Variants in CHIC1 observed in about 807,000 individuals in gnomAD.
CHIC1 encodes cysteine-rich hydrophobic domain-containing protein 1.
A neutral mutation model predicts 18.5 loss-of-function variants in CHIC1; 7 were observed. The ratio of observed to expected loss-of-function variants is 0.38; its 90% CI spans 0.22 to 0.71. The LOEUF is 0.71. Among genes scored for constraint, CHIC1 ranks in the 30% least tolerant of loss-of-function variants. The pLI, the probability that CHIC1 is intolerant of heterozygous loss-of-function variation, is 0.49. For missense variants in CHIC1, 159 were observed against 176.9 expected, an observed-to-expected ratio of 0.90 and a Z score of 0.57; for synonymous variants, 77 against 73.5, an observed-to-expected ratio of 1.05 and a Z score of -0.25.
At chrX:73,672,296 G>A (rs1166332913) in intron 3 of CHIC1, among the ~76,000 whole-genome samples, 20 of 111,612 alleles carry the variant, frequency 1.8e-4, no homozygotes, top group Non-Finnish European at 3.6e-4. Context: ...TAATGGGAAG[G>A]CTGGGTCAAA....
chrX:73,655,149 C>T lies in CHIC1; in HGVS notation c.508-24177C>T, dbSNP rs537358074. Among the ~76,000 whole-genome samples, 14 of 109,479 alleles carry T rather than the reference C, an allele frequency of 1.3e-4. No homozygotes were observed. The South Asian group carries it at 3.1e-3, about 25-fold the overall frequency. ...CAGCTCCAATTTATGAGTGAGAATG[C>T]GGGTATTTGGTTTTCTCTTCCTGCG... On this transcript the variant is annotated intron_variant, in intron 3 of 5. Coordinates refer to ENST00000373502, the MANE Select transcript of CHIC1 (RefSeq NM_001039840.4).
intron 3 of CHIC1, among the ~76,000 whole-genome samples, chrX:73,594,703 T>C (rs2057598643): frequency 9.0e-6 from 1 of 111,139 alleles, no homozygotes. Flanking sequence ...CTATTTCCAA[T>C]TTTTTTTCAT....
intron 3 of CHIC1, among the ~76,000 whole-genome samples, chrX:73,603,925 G>A (rs992789089): frequency 2.8e-5 from 3 of 108,469 alleles, no homozygotes; most frequent in Non-Finnish European, 5.7e-5. Flanking sequence ...GAGGATTTTC[G>A]CATCAATGTT....
chrX:73,676,777 A>G (rs1049811207), intron 3 of CHIC1, among the ~76,000 whole-genome samples: 2 of 111,697 alleles, frequency 1.8e-5, no homozygotes, highest in African/African-American at 6.5e-5. Context: ...GCTGGTGAGG[A>G]GCTGCGTTCC....
At chrX:73,640,366 C>A (rs1054573016) in intron 3 of CHIC1, among the ~76,000 whole-genome samples, 2 of 111,784 alleles carry the variant, frequency 1.8e-5, no homozygotes, top group Non-Finnish European at 3.8e-5. Context: ...AAGCTTGCAT[C>A]CCAGGGATAA....
intron 3 of CHIC1, among the ~76,000 whole-genome samples, chrX:73,626,166 C>T (rs1017888891): frequency 4.5e-5 from 5 of 111,652 alleles, no homozygotes; most frequent in African/African-American, 9.8e-5. Flanking sequence ...TACTCCATAG[C>T]GGAACAGCCA....
chrX:73,625,689 A>T (rs1187788729), intron 3 of CHIC1, among the ~76,000 whole-genome samples: 1 of 111,079 alleles, frequency 9.0e-6, no homozygotes, highest in Non-Finnish European at 1.9e-5. Context: ...TGTCAAATCA[A>T]TTTTTTAGCC....
At chrX:73,573,100 C>T (rs755536051) in intron 1 of CHIC1, among the ~76,000 whole-genome samples, 10 of 111,087 alleles carry the variant, frequency 9.0e-5, no homozygotes, top group Non-Finnish European at 1.3e-4. Context: ...GTACTTAATC[C>T]GTCTTGAGTT....
intron 3 of CHIC1, among the ~76,000 whole-genome samples, chrX:73,668,448 T>A (rs1316096483): frequency 1.8e-5 from 2 of 111,881 alleles, no homozygotes; most frequent in Non-Finnish European, 3.8e-5. Flanking sequence ...CACTCTGGAT[T>A]TTTTAGTTTT....
At chrX:73,616,328 G>C (rs1348663977) in intron 3 of CHIC1, among the ~76,000 whole-genome samples, 3 of 111,668 alleles carry the variant, frequency 2.7e-5, no homozygotes, top group Non-Finnish European at 5.6e-5. Flanking sequence ...TAATTACCCT[G>C]TGGCTTTGCA....
At chrX:73,670,537 T>G (rs1471107199) in intron 3 of CHIC1, among the ~76,000 whole-genome samples, 1 of 110,844 alleles carries the variant, frequency 9.0e-6, no homozygotes, top group Admixed American at 9.6e-5. Context: ...TAATTTTAGG[T>G]TTGGTTGGTT....
intron 3 of CHIC1, among the ~76,000 whole-genome samples, chrX:73,645,336 A>G (rs947053918): frequency 1.8e-5 from 2 of 112,160 alleles, no homozygotes; most frequent in African/African-American, 6.5e-5. Flanking sequence ...GTATCTCTCT[A>G]TCTTGGCTAT....
intron 3 of CHIC1, among the ~76,000 whole-genome samples, chrX:73,595,745 G>T (rs757615051): frequency 1.8e-5 from 2 of 110,990 alleles, no homozygotes; most frequent in Non-Finnish European, 3.8e-5. Context: ...TTGAGGAATC[G>T]CCACATTGTC....
chrX:73,595,668 A>T (rs2057604543), intron 3 of CHIC1, among the ~76,000 whole-genome samples: 1 of 111,585 alleles, frequency 9.0e-6, no homozygotes. Flanking sequence ...AGAATGATTT[A>T]TAATTCTTTT....
At chrX:73,590,663 T>C (rs2057577302) in intron 3 of CHIC1, among the ~76,000 whole-genome samples, 1 of 111,664 alleles carries the variant, frequency 9.0e-6, no homozygotes, top group African/African-American at 3.2e-5. Flanking sequence ...AACTTTTTAT[T>C]GTCTCCATAG....
At chrX:73,668,309 C>A (rs1397461584) in intron 3 of CHIC1, among the ~76,000 whole-genome samples, 1 of 111,844 alleles carries the variant, frequency 8.9e-6, no homozygotes, top group African/African-American at 3.3e-5. Context: ...ACAACATGCT[C>A]CTTTAGCTCA....
At chrX:73,647,283 T>G (rs2057894037) in intron 3 of CHIC1, among the ~76,000 whole-genome samples, 1 of 111,971 alleles carries the variant, frequency 8.9e-6, no homozygotes, top group South Asian at 3.7e-4. Context: ...TCTGATTAAG[T>G]TTCTAGTTAG....
At chrX:73,615,358 G>A (rs1405738249) in intron 3 of CHIC1, among the ~76,000 whole-genome samples, 1 of 111,857 alleles carries the variant, frequency 8.9e-6, no homozygotes, top group Non-Finnish European at 1.9e-5. Flanking sequence ...GGTAGTTACA[G>A]TGGTGGGCCG....
chrX:73,632,820 G>A (rs757537256), intron 3 of CHIC1, among the ~76,000 whole-genome samples: 24 of 95,169 alleles, frequency 2.5e-4, no homozygotes, highest in African/African-American at 9.2e-4. Context: ...CCAGGCTGGA[G>A]TGCAGTGGCA....
Sources: gnomAD v4.1 joint callset for allele counts (sites outside exome capture counted in the v4.1 genomes callset) on GRCh38, gnomAD v4.1.1 for gene constraint, MANE v1.5 for transcripts, NCBI Gene and HGNC (gene_info 2026-07-23, HGNC 2026-07-21) for gene names.